RABL6: variants seen among roughly 807,000 people sequenced by gnomAD.
RABL6 encodes rab-like protein 6.
In RABL6, 28 loss-of-function variants were observed where a neutral mutation model predicts 72.9. The ratio of observed to expected loss-of-function variants is 0.38; its 90% CI spans 0.28 to 0.53. RABL6 has a LOEUF of 0.53. Ranked by LOEUF, RABL6 falls within the 20% of genes least tolerant of loss-of-function variation. RABL6 has a pLI of 0.80. For synonymous variants in RABL6, 477 were observed against 421.2 expected (o/e 1.13, Z -1.62); for missense variants, 1,029 against 1,008.4 (o/e 1.02, Z -0.28).
At chr9:136,827,431 C>T (rs1311950312) in intron 3 of RABL6, 2 of 152,256 alleles carry the variant, frequency 1.3e-5, no homozygotes, top group African/African-American at 2.4e-5. Flanking sequence ...CAATCCTCAC[C>T]TCCGCCTGGT....
At chr9:136,835,904 C>T in intron 8 of RABL6, 59 bp downstream of exon 8, 1 of 1,469,582 alleles carries the variant, frequency 6.8e-7, no homozygotes, top group Non-Finnish European at 9.3e-7. Context: ...GGCCGTGGTG[C>T]AGGGCCATGG....
At chr9:136,833,880 T>C (rs1335992448) in intron 7 of RABL6, 1 of 1,550,524 alleles carries the variant, frequency 6.4e-7, no homozygotes, top group South Asian at 1.2e-5. Context: ...AGGCCCCTCC[T>C]TCCTGCAGAG....
At chr9:136,819,911 A>T (rs956261488) in intron 1 of RABL6, among the ~76,000 whole-genome samples, 1 of 151,840 alleles carries the variant, frequency 6.6e-6, no homozygotes, top group Non-Finnish European at 1.5e-5. Context: ...AAAAAATAGT[A>T]AAAAAACTAG....
chr9:136,833,590 T>G lies in RABL6; in HGVS notation c.705+1220T>G, dbSNP rs952826259. The stretch of plus-strand genomic sequence containing the variant: ...GCTGCCCCAGCTGGGTCTGGGGACC[T>G]GAACCTCCTCGCCCTGGGCTGCCCC... On this transcript the variant is annotated intron_variant, in intron 7 of 14. Transcript: ENST00000311502. 40 of 1,310,896 alleles carry G rather than the reference T, an allele frequency of 3.1e-5. 1 individual carries two copies. The African/African-American group carries it at 5.3e-4, about 17-fold the overall frequency. 81.2% of individuals were successfully genotyped at this position (1,310,896 alleles called of 1,614,324 possible). A position where few individuals can be genotyped will look rare whatever the true frequency, so the allele number is the denominator to read the frequency against.
At chr9:136,824,879 T>C (rs550112407) in intron 2 of RABL6, among the ~76,000 whole-genome samples, 1 of 152,316 alleles carries the variant, frequency 6.6e-6, no homozygotes, top group African/African-American at 2.4e-5. Flanking sequence ...ACCCTCTTCC[T>C]GGTTTGGGGT....
intron 12 of RABL6, 47 bp downstream of exon 12, chr9:136,839,533 C>G: frequency 1.3e-6 from 2 of 1,579,066 alleles, no homozygotes; most frequent in Non-Finnish European, 1.7e-6. Flanking sequence ...TGGCCAGGGT[C>G]CCTCCCACAG....
chr9:136,822,151 C>T lies in RABL6; in HGVS notation c.131-1374C>T. 6 of 1,201,082 alleles carry T rather than the reference C, an allele frequency of 5.0e-6. No homozygotes were observed. The South Asian group carries it at 8.2e-5, about 16-fold the overall frequency. The allele number at this position is 1,201,082 out of a possible 1,614,324, so 74.4% of individuals were successfully genotyped here. ...GGTCCCTCAGAGCTTCGAGGCCGGGCGCCCTCTGCGTTGGGAGCTTGGGGT... is the reference window on the plus strand; with the variant it reads ...GGTCCCTCAGAGCTTCGAGGCCGGGTGCCCTCTGCGTTGGGAGCTTGGGGT... On this transcript the variant is annotated intron_variant, in intron 1 of 14. Transcript: ENST00000311502.
rs548156392 is a variant in RABL6, at chr9:136,824,977, C to T, written c.266-802C>T. ...CAGATGCCTGGCTGTGTGAGGGCCC[C>T]GGGCGTGCCTCTCCCCTCTGGTTCT... On this transcript the variant is annotated intron_variant, in intron 2 of 14. Coordinates refer to ENST00000311502, the MANE Select transcript of RABL6 (RefSeq NM_024718.5). Among the ~76,000 whole-genome samples the T allele has an allele frequency of 9.2e-5, 14 of 152,286 alleles. No individual in the cohort carries two copies. The South Asian group carries it at 2.5e-3, about 27-fold the overall frequency.
At chr9:136,823,129 G>A (rs191705654) in intron 1 of RABL6, among the ~76,000 whole-genome samples, 3 of 151,688 alleles carry the variant, frequency 2.0e-5, no homozygotes, top group Non-Finnish European at 4.4e-5. Flanking sequence ...AGAAAACCTG[G>A]TTAGGAGCAA....
chr9:136,837,938 C>T lies in RABL6; in HGVS notation c.1203C>T (p.Arg401=), dbSNP rs1848614656. 1.2e-5 allele frequency: 18 copies of T among 1,561,076 alleles called. No individual in the cohort carries two copies. The highest frequency in any genetic ancestry group is 1.4e-5 in the Non-Finnish European group (16 of 1,153,432). ...EDFVPDDRLD[R]SFLEDTTPAR... ...TTGTTCCTGACGACCGCCTGGACCG[C>T]AGCTTCCTGGAAGACACAACCCCCG... Residue 401 remains arginine (R), a synonymous_variant, in exon 10 of 15, where the codon CGC becomes CGT. Transcript: ENST00000311502.
chr9:136,834,515 T>C, intron 7 of RABL6: 1 of 941,218 alleles, frequency 1.1e-6, no homozygotes, highest in Non-Finnish European at 1.3e-6. Context: ...GGAGTCTCAC[T>C]CTGTCCAGGC....
intron 1 of RABL6, chr9:136,815,299 C>G (rs1421436636): frequency 3.6e-6 from 1 of 280,040 alleles, no homozygotes; most frequent in African/African-American, 2.3e-5. Context: ...GTGACAGTTG[C>G]TTTCTTGGTG....
intron 8 of RABL6, chr9:136,836,097 G>A: frequency 2.4e-6 from 1 of 418,724 alleles, no homozygotes; most frequent in South Asian, 3.8e-5. Context: ...GCTGACCGTG[G>A]CCAGGTGCTG....
chr9:136,808,038 C>G lies in RABL6; in HGVS notation c.-159C>G, dbSNP rs1847903908. ...CGCGGCTGAGGTTCCCGAGTCGCCG[C>G]TCGGGGCTGCGCTCCGCCGCCGGGA... On this transcript the variant is annotated 5_prime_UTR_variant, in exon 1 of 15. Transcript: ENST00000311502. 1 of 1,064,756 alleles carries G rather than the reference C, an allele frequency of 9.4e-7. No individual in the cohort carries two copies. Among genetic ancestry groups the G allele is most frequent in the Non-Finnish European group, 1.1e-6 (1 of 878,370 alleles). The allele number at this position is 1,064,756 out of a possible 1,614,324, so 66.0% of individuals were successfully genotyped here. A position where few individuals can be genotyped will look rare whatever the true frequency, so the allele number is the denominator to read the frequency against.
intron 2 of RABL6, 25 bp downstream of exon 2, chr9:136,823,684 G>T: frequency 6.3e-7 from 1 of 1,584,728 alleles, no homozygotes. Context: ...TGCCCCAGTG[G>T]GTTCGGGCTC....
intron 4 of RABL6, 50 bp from the exon 5 acceptor site, chr9:136,829,343 G>A (rs1848422848): frequency 2.1e-6 from 3 of 1,404,156 alleles, no homozygotes; most frequent in Admixed American, 2.0e-5. Context: ...GGGCCACACG[G>A]GTGGGGCCCA....
In RABL6 at chr9:136,834,249, T is replaced by G. The variant is rs1848542541; in HGVS notation, c.706-1493T>G. 1.1e-5 allele frequency: 13 copies of G among 1,139,086 alleles called. No individual in the cohort carries two copies. The South Asian group carries it at 5.2e-4, about 46-fold the overall frequency. 70.6% of individuals were successfully genotyped at this position (1,139,086 alleles called of 1,614,324 possible). On this transcript the variant is annotated intron_variant, in intron 7 of 14. Transcript: ENST00000311502. ...GTTTTTTTAACCTGACCGTAGTACC[T>G]AATGTAATACCGCATGTTAAACTCA...
At chr9:136,840,294 C>A in intron 14 of RABL6, 28 bp from the exon 15 acceptor site, 1 of 1,606,458 alleles carries the variant, frequency 6.2e-7, no homozygotes, top group Non-Finnish European at 8.5e-7. Context: ...CCTGTGACTC[C>A]ATGGCGCCCC....
At chr9:136,836,986 G>C (rs988465173) in intron 8 of RABL6, 5 of 393,154 alleles carry the variant, frequency 1.3e-5, no homozygotes, top group Non-Finnish European at 2.4e-5. Flanking sequence ...CCATTCTCCT[G>C]CCTCAGCCTC....
Sources: allele counts gnomAD v4.1 joint callset (sites outside exome capture counted in the v4.1 genomes callset), GRCh38; gene constraint gnomAD v4.1.1; transcripts MANE v1.5; gene names NCBI Gene and HGNC (gene_info 2026-07-23, HGNC 2026-07-21).